Variants in STK32C observed in about 807,000 individuals in gnomAD.
STK32C encodes serine/threonine kinase 32C.
In STK32C, 31 loss-of-function variants were observed where a neutral mutation model predicts 56.5. The ratio of observed to expected loss-of-function variants is 0.55; its 90% CI spans 0.41 to 0.74. The LOEUF (loss-of-function observed/expected upper bound fraction) is 0.74, where lower values mean the gene tolerates loss of function less well. Ranked by LOEUF, STK32C falls within the 30% of genes least tolerant of loss-of-function variation. STK32C has a pLI of 0.00. For synonymous variants in STK32C, 309 were observed against 289.4 expected (o/e 1.07, Z -0.69); for missense variants, 544 against 676.9 (o/e 0.80, Z 2.18).
At chr10:132,268,771 G>A (rs1022452554) in intron 1 of STK32C, among the ~76,000 whole-genome samples, 1 of 132,718 alleles carries the variant, frequency 7.5e-6, no homozygotes, top group Non-Finnish European at 1.6e-5. Flanking sequence ...CTCTATGCCT[G>A]TCTGTGTGCA....
intron 1 of STK32C, among the ~76,000 whole-genome samples, chr10:132,318,105 TTAAAA>T (rs2066340395): frequency 6.6e-6 from 1 of 150,992 alleles, no homozygotes. Context: ...TGGTCTCTAC[TTAAAA>T]TACAAAAATT....
chr10:132,213,365 C>T (rs796959202), intron 10 of STK32C, among the ~76,000 whole-genome samples: 5 of 152,182 alleles, frequency 3.3e-5, no homozygotes, highest in South Asian at 2.1e-4. Context: ...ACAGGGCCTC[C>T]GCAGTGTGAC....
At position 132,307,185 on chromosome 10, in the gene STK32C, C is replaced by G. The variant is rs2066102206; in HGVS notation, c.262+387G>C. Reference sequence around the variant, plus strand: ...GAGCCTCACTCGCACTCGGGCGGCACAGGTGAGCGCCTCTCTAACTGCAAA... The same window carrying G: ...GAGCCTCACTCGCACTCGGGCGGCAGAGGTGAGCGCCTCTCTAACTGCAAA... On this transcript the variant is annotated intron_variant, in intron 1 of 11. Transcript: ENST00000298630. The surrounding 1 kb of genome is among the most constrained non-coding windows in gnomAD (Gnocchi z 4.4). 6.3e-6 allele frequency: 1 copy of G among 157,556 alleles called. No homozygotes were observed. Among genetic ancestry groups the G allele is most frequent in the African/African-American group, 2.4e-5 (1 of 41,598 alleles). 9.8% of individuals were successfully genotyped at this position (157,556 alleles called of 1,614,324 possible). A position where few individuals can be genotyped will look rare whatever the true frequency, so the allele number is the denominator to read the frequency against.
chr10:132,292,337 G>A (rs1344207896), intron 1 of STK32C, among the ~76,000 whole-genome samples: 3 of 152,090 alleles, frequency 2.0e-5, no homozygotes, highest in East Asian at 1.9e-4. Context: ...TATCGGCCTC[G>A]GCCTCTCCAT....
At chr10:132,246,008 C>T in intron 1 of STK32C, 53 bp from the exon 2 acceptor site, 1 of 1,555,524 alleles carries the variant, frequency 6.4e-7, no homozygotes, top group Admixed American at 1.7e-5. Context: ...GGCCCCACCC[C>T]AGAGCAGCTC....
intron 1 of STK32C, among the ~76,000 whole-genome samples, chr10:132,270,988 G>A (rs977335113): frequency 6.6e-6 from 1 of 152,150 alleles, no homozygotes; most frequent in African/African-American, 2.4e-5. Context: ...CAGAGGGGGT[G>A]ATCTGTCCTA....
rs74161748 is a variant in STK32C, at chr10:132,250,609, G to A, written c.263-4654C>T. Among the ~76,000 whole-genome samples the A allele has an allele frequency of 8.0e-3, 1,168 of 145,982 alleles. 26 individuals carry two copies. Among genetic ancestry groups the A allele is most frequent in the African/African-American group, 0.028 (1,073 of 38,530 alleles). On this transcript the variant is annotated intron_variant, in intron 1 of 11. Transcript: ENST00000298630. ...ACAGGTCACTGCAGAGAGGGGCTCC[G>A]CCCCGAGGCAGGTGGGTGTGAGGTG...
chr10:132,243,454 G>T lies in STK32C; in HGVS notation c.318+2446C>A, dbSNP rs534999906. Reference sequence around the variant, plus strand: ...AGGGGGCAGGCAGGGGCGGAGGGCAGGCTGGACGAATGTCCATGGCAGGGA... The same window carrying T: ...AGGGGGCAGGCAGGGGCGGAGGGCATGCTGGACGAATGTCCATGGCAGGGA... On this transcript the variant is annotated intron_variant, in intron 2 of 11. Transcript: ENST00000298630. 5.6e-4 allele frequency among the ~76,000 whole-genome samples: 86 copies of T among 152,226 alleles called. 3 individuals are homozygous for T. Among genetic ancestry groups the T allele is most frequent in the Middle Eastern group, 6.8e-3 (2 of 294 alleles).
chr10:132,253,622 G>GGAGGGAGCT (rs1378935911), intron 1 of STK32C, among the ~76,000 whole-genome samples: 1 of 148,884 alleles, frequency 6.7e-6, no homozygotes, highest in Non-Finnish European at 1.5e-5. Context: ...CGAGGGAGCT[G>GGAGGGAGCT]GAGGGAGCTG....
chr10:132,245,749 C>A, intron 2 of STK32C, 151 bp downstream of exon 2: 1 of 744,550 alleles, frequency 1.3e-6, no homozygotes, highest in Non-Finnish European at 2.2e-6. Flanking sequence ...GGAGTGCCCA[C>A]GTCCTCCCTA....
At chr10:132,276,294 C>T (rs899053650) in intron 1 of STK32C, among the ~76,000 whole-genome samples, 4 of 152,202 alleles carry the variant, frequency 2.6e-5, no homozygotes, top group South Asian at 4.1e-4. Flanking sequence ...AGTCTGGGAT[C>T]GGCTGGCATC....
At chr10:132,242,433 G>A (rs2137892700) in intron 2 of STK32C, among the ~76,000 whole-genome samples, 1 of 152,206 alleles carries the variant, frequency 6.6e-6, no homozygotes, top group African/African-American at 2.4e-5. Flanking sequence ...GAGGTTGGGG[G>A]GGCTCTCTCC....
upstream of STK32C, among the ~76,000 whole-genome samples, chr10:132,309,121 C>T (rs2066171585): frequency 6.6e-6 from 1 of 152,154 alleles, no homozygotes; most frequent in South Asian, 2.1e-4. Context: ...CCGCTCCCGT[C>T]CCTCCCACCG....
intron 11 of STK32C, 54 bp from the exon 12 acceptor site, chr10:132,208,205 C>T (rs530126203): frequency 2.4e-4 from 314 of 1,290,704 alleles, no homozygotes; most frequent in Non-Finnish European, 2.9e-4. Context: ...CCTGGCCTCA[C>T]GGTCCCATGA....
chr10:132,221,070 G>A (rs1443606221), intron 10 of STK32C, among the ~76,000 whole-genome samples: 1 of 152,224 alleles, frequency 6.6e-6, no homozygotes, highest in Non-Finnish European at 1.5e-5. Flanking sequence ...CACCTGATTC[G>A]TGGTCACCTG....
At chr10:132,283,567 CAGA>C (rs1388191697) in intron 1 of STK32C, among the ~76,000 whole-genome samples, 1 of 152,212 alleles carries the variant, frequency 6.6e-6, no homozygotes. Flanking sequence ...TTCCTCGGCA[CAGA>C]AGGCCAGTGA....
chr10:132,299,521 G>A (rs994893645), intron 1 of STK32C, among the ~76,000 whole-genome samples: 1 of 152,262 alleles, frequency 6.6e-6, no homozygotes, highest in Non-Finnish European at 1.5e-5. Context: ...TGAGACCTCA[G>A]GACAAGACCC....
downstream of STK32C, among the ~76,000 whole-genome samples, chr10:132,320,116 G>A (rs1484637021): frequency 4.6e-5 from 7 of 151,820 alleles, no homozygotes; most frequent in Admixed American, 1.3e-4. Context: ...GGCACATTGC[G>A]CGTGTGAATG....
At chr10:132,259,224 T>A (rs931310314) in intron 1 of STK32C, among the ~76,000 whole-genome samples, 5 of 152,192 alleles carry the variant, frequency 3.3e-5, no homozygotes, top group Non-Finnish European at 5.9e-5. Flanking sequence ...TGCAGGACCC[T>A]CCTTCCATCC....
Sources: allele counts gnomAD v4.1 joint callset (sites outside exome capture counted in the v4.1 genomes callset), GRCh38; gene constraint gnomAD v4.1.1; non-coding constraint Gnocchi (gnomAD v3.1); transcripts MANE v1.5; gene names NCBI Gene and HGNC (gene_info 2026-07-23, HGNC 2026-07-21).